NAV1: variants seen among roughly 807,000 people sequenced by gnomAD.
NAV1 encodes the protein pore membrane and/or filament interacting like protein 3.
Under a neutral mutation model 175.2 loss-of-function variants are expected in NAV1, and 18 were observed. That is an observed-to-expected ratio of 0.10 (90% CI 0.07 to 0.15). The LOEUF (loss-of-function observed/expected upper bound fraction) is 0.15. NAV1 is among the 10% of genes least tolerant of loss of function. NAV1 has a pLI of 1.00. For synonymous variants in NAV1, 897 were observed against 978.7 expected, an observed-to-expected ratio of 0.92 and a Z score of 1.56; for missense variants, 1,731 against 2,436.6, an observed-to-expected ratio of 0.71 and a Z score of 6.10.
At chr1:201,801,688 T>G (rs1450684330) in intron 15 of NAV1, among the ~76,000 whole-genome samples, 2 of 152,194 alleles carry the variant, frequency 1.3e-5, no homozygotes, top group Non-Finnish European at 2.9e-5. Flanking sequence ...AAGTGAAATG[T>G]GCAGAGGACC....
chr1:201,666,958 A>C (rs1318207708), intron 1 of NAV1, among the ~76,000 whole-genome samples: 3 of 152,124 alleles, frequency 2.0e-5, no homozygotes, highest in Middle Eastern at 3.2e-3. Flanking sequence ...CAAGGACGCC[A>C]TGCTCCCTCT....
At chr1:201,818,453 G>A (rs1039292236) in intron 29 of NAV1, among the ~76,000 whole-genome samples, 1 of 151,852 alleles carries the variant, frequency 6.6e-6, no homozygotes, top group Non-Finnish European at 1.5e-5. Flanking sequence ...ACTTGGACCC[G>A]GGAGGTGGAG....
intron 1 of NAV1, among the ~76,000 whole-genome samples, chr1:201,628,431 A>C (rs1172437383): frequency 6.6e-6 from 1 of 151,140 alleles, no homozygotes; most frequent in Non-Finnish European, 1.5e-5. Flanking sequence ...CAGAGAGGAG[A>C]AGAGATCTAC....
At position 201,810,232 on chromosome 1, in the gene NAV1, A is replaced by C; in HGVS notation, c.4561+127A>C. On this transcript the variant is annotated intron_variant, in intron 23 of 29. Transcript: ENST00000367296. This position sits in a 1 kb window ranked among gnomAD's most constrained non-coding sequence, Gnocchi z 6.0. ...GGTATAATATGAAGATGCTTAAGTA[A>C]TGTGAGATATAAAAAGATGAGTAAG... The C allele has an allele frequency of 7.7e-7, 1 of 1,298,452 alleles. No homozygotes were observed. The highest frequency in any genetic ancestry group is 1.4e-5 in the South Asian group (1 of 69,142). 80.4% of individuals were successfully genotyped at this position (1,298,452 alleles called of 1,614,324 possible). A position where few individuals can be genotyped will look rare whatever the true frequency, so the allele number is the denominator to read the frequency against.
At chr1:201,655,499 A>T (rs1414049835) in intron 1 of NAV1, among the ~76,000 whole-genome samples, 1 of 152,226 alleles carries the variant, frequency 6.6e-6, no homozygotes, top group Non-Finnish European at 1.5e-5. Flanking sequence ...CTGCGTGGGC[A>T]GGTTCCCTCC....
intron 1 of NAV1, among the ~76,000 whole-genome samples, chr1:201,700,399 G>A (rs547604027): frequency 1.3e-5 from 2 of 152,248 alleles, no homozygotes; most frequent in African/African-American, 4.8e-5. Flanking sequence ...ACCATCTCAC[G>A]GCAGTTAGAA....
At chr1:201,602,353 C>T (rs1258480587) in intron 2 of NAV1, among the ~76,000 whole-genome samples, 1 of 151,924 alleles carries the variant, frequency 6.6e-6, no homozygotes, top group African/African-American at 2.4e-5. Context: ...TTTGTTTTTT[C>T]TTTTTTGAGA....
chr1:201,683,942 T>C (rs1308095147), intron 1 of NAV1, among the ~76,000 whole-genome samples: 1 of 152,210 alleles, frequency 6.6e-6, no homozygotes, highest in Non-Finnish European at 1.5e-5. Flanking sequence ...TCATTCATCA[T>C]TCATTCATTC....
At chr1:201,745,384 G>A (rs939142144) in intron 3 of NAV1, among the ~76,000 whole-genome samples, 3 of 152,152 alleles carry the variant, frequency 2.0e-5, no homozygotes, top group Admixed American at 6.5e-5. Flanking sequence ...ATTTCCTCAC[G>A]AACCAGTTTT....
At chr1:201,804,374 C>T (rs1267732373) in intron 16 of NAV1, 115 bp from the exon 21 acceptor site, 3 of 1,088,788 alleles carry the variant, frequency 2.8e-6, no homozygotes, top group African/African-American at 3.2e-5. Flanking sequence ...TAAGACACAC[C>T]CCCAGACCTT....
chr1:201,734,405 T>C (rs1360177660), intron 3 of NAV1, among the ~76,000 whole-genome samples: 6 of 140,486 alleles, frequency 4.3e-5, no homozygotes, highest in Non-Finnish European at 9.1e-5. Context: ...CAAGACCCTG[T>C]CTCAAAAAAG....
At chr1:201,717,102 C>T (rs963493170) in intron 2 of NAV1, among the ~76,000 whole-genome samples, 2 of 152,150 alleles carry the variant, frequency 1.3e-5, no homozygotes, top group African/African-American at 4.8e-5. Flanking sequence ...AAAATAAGAC[C>T]GTATTTTCTC....
chr1:201,602,276 G>A (rs1316268078), intron 2 of NAV1, among the ~76,000 whole-genome samples: 5 of 152,128 alleles, frequency 3.3e-5, no homozygotes, highest in Non-Finnish European at 5.9e-5. Flanking sequence ...GGACCCCACT[G>A]GGCCTAAAAA....
At chr1:201,705,052 C>T (rs1245290942) in intron 1 of NAV1, among the ~76,000 whole-genome samples, 3 of 152,074 alleles carry the variant, frequency 2.0e-5, no homozygotes, top group African/African-American at 7.2e-5. Context: ...CTCCTGGGCT[C>T]GAGGTATCCT....
chr1:201,782,510 T>C lies in NAV1; in HGVS notation c.1998T>C (p.Ser666=), dbSNP rs752451824. The stretch of plus-strand genomic sequence containing the variant: ...GATTCCTGGCTCCTGGAGCCCGTTC[T>C]AACATCCAGTACCGCAGCCTGCCCC... The change falls in exon 6 of 30, where the codon TCT becomes TCC. Residue 666 remains serine, a synonymous_variant. Transcript: ENST00000367296. This position sits in a 1 kb window ranked among gnomAD's most constrained non-coding sequence, Gnocchi z 5.4. The C allele has an allele frequency of 4.3e-6, 7 of 1,612,898 alleles. No homozygotes were observed. In the Admixed American group the frequency reaches 1.0e-4, roughly 23 times the overall value.
chr1:201,673,074 C>G (rs1670106393), intron 1 of NAV1: 1 of 151,462 alleles, frequency 6.6e-6, no homozygotes, highest in Non-Finnish European at 1.5e-5. Context: ...TTTTTGCAGG[C>G]TAAATAGAAA....
chr1:201,629,462 T>C, exon 2 of NAV1: 2 of 1,304,300 alleles, frequency 1.5e-6, no homozygotes, highest in South Asian at 1.2e-5. Context: ...CCTTGATGGC[T>C]ATGCTGAGCC....
intron 1 of NAV1, among the ~76,000 whole-genome samples, chr1:201,665,017 C>T (rs1669757221): frequency 6.6e-6 from 1 of 152,200 alleles, no homozygotes; most frequent in Admixed American, 6.5e-5. Context: ...GCTAGTTCCT[C>T]TCTAAACACC....
chr1:201,811,546 A>G (rs991764633), intron 24 of NAV1, 57 bp from the exon 29 acceptor site: 5 of 1,607,484 alleles, frequency 3.1e-6, no homozygotes, highest in Non-Finnish European at 4.3e-6. Context: ...CCTGATTTCC[A>G]AGGCCGATCC....
Sources: allele counts gnomAD v4.1 joint callset (sites outside exome capture counted in the v4.1 genomes callset), GRCh38; gene constraint gnomAD v4.1.1; non-coding constraint Gnocchi (gnomAD v3.1); transcripts MANE v1.5; gene names NCBI Gene and HGNC (gene_info 2026-07-23, HGNC 2026-07-21).